NCAM2: variants seen among roughly 807,000 people sequenced by gnomAD.
The protein encoded by NCAM2 is N-CAM-2.
A neutral mutation model predicts 98.1 loss-of-function variants in NCAM2; 30 were observed. The observed-to-expected ratio is 0.31, with a 90% CI of 0.23 to 0.41. NCAM2 has a LOEUF of 0.41. Ranked by LOEUF, NCAM2 falls within the 10% of genes least tolerant of loss-of-function variation. The pLI, the probability that NCAM2 is intolerant of heterozygous loss-of-function variation, is 1.00. For missense variants in NCAM2, 867 were observed against 1,005.8 expected (o/e 0.86, Z 1.87); for synonymous variants, 368 against 342.4 (o/e 1.07, Z -0.83).
At chr21:21,319,145 A>G (rs1601961053) in intron 5 of NCAM2, among the ~76,000 whole-genome samples, 2 of 152,176 alleles carry the variant, frequency 1.3e-5, no homozygotes, top group South Asian at 4.2e-4. Context: ...AAAAAAATGC[A>G]AGCACAGTCA....
intron 1 of NCAM2, among the ~76,000 whole-genome samples, chr21:21,058,889 G>C (rs972832824): frequency 6.6e-6 from 1 of 151,902 alleles, no homozygotes; most frequent in African/African-American, 2.4e-5. Context: ...ATTTCTATTA[G>C]ACTGTTTTTG....
At chr21:21,371,425 T>C (rs1568989816) in intron 8 of NCAM2, among the ~76,000 whole-genome samples, 1 of 151,772 alleles carries the variant, frequency 6.6e-6, no homozygotes, top group Non-Finnish European at 1.5e-5. Context: ...ATAGAAGGCA[T>C]CCACAATGGG....
chr21:21,241,342 G>GA (rs34767844), intron 1 of NCAM2, among the ~76,000 whole-genome samples: 152,222 of 152,222 alleles, frequency 1, 76,111 homozygotes, highest in Non-Finnish European at 1. Flanking sequence ...TTCTAAATGA[G>GA]AAAACATACA....
At chr21:21,128,828 T>C (rs548032754) in intron 1 of NCAM2, among the ~76,000 whole-genome samples, 1 of 152,218 alleles carries the variant, frequency 6.6e-6, no homozygotes, top group East Asian at 1.9e-4. Context: ...GGCAAAAATA[T>C]AATTATTACT....
intron 1 of NCAM2, among the ~76,000 whole-genome samples, chr21:21,246,835 G>A (rs959529928): frequency 3.3e-5 from 5 of 152,106 alleles, no homozygotes; most frequent in Non-Finnish European, 7.4e-5. Flanking sequence ...GAAGTACCGT[G>A]GCTGTAAATG....
intron 1 of NCAM2, among the ~76,000 whole-genome samples, chr21:21,263,825 C>A (rs528524073): frequency 1.2e-4 from 18 of 152,120 alleles, no homozygotes; most frequent in African/African-American, 3.4e-4. Context: ...TTAAACTGGA[C>A]CCCTAATTTG....
chr21:21,471,500 T>C (rs138878803), intron 14 of NCAM2, among the ~76,000 whole-genome samples: 2 of 152,136 alleles, frequency 1.3e-5, no homozygotes, highest in African/African-American at 2.4e-5. Flanking sequence ...TTTAGACATA[T>C]TCAATATATT....
chr21:21,122,863 C>G (rs2066704288), intron 1 of NCAM2, among the ~76,000 whole-genome samples: 2 of 152,244 alleles, frequency 1.3e-5, no homozygotes, highest in Non-Finnish European at 2.9e-5. Flanking sequence ...CAACTCTTGA[C>G]AGGAGGTTGG....
At chr21:21,409,549 A>C (rs2145909351) in intron 9 of NCAM2, among the ~76,000 whole-genome samples, 1 of 152,332 alleles carries the variant, frequency 6.6e-6, no homozygotes, top group Admixed American at 6.5e-5. Context: ...GACTTAAACG[A>C]AATAAAAAGT....
At chr21:21,002,113 G>A (rs911547721) in intron 1 of NCAM2, among the ~76,000 whole-genome samples, 6 of 152,258 alleles carry the variant, frequency 3.9e-5, no homozygotes, top group Non-Finnish European at 5.9e-5. Context: ...TGCACTTGGG[G>A]AAGATGTAAT....
intron 5 of NCAM2, among the ~76,000 whole-genome samples, chr21:21,309,409 C>A (rs762996909): frequency 3.0e-4 from 45 of 152,216 alleles, no homozygotes; most frequent in Non-Finnish European, 4.6e-4. Context: ...TCTGGACTTT[C>A]TTTGCCCCAC....
chr21:21,494,846 T>G (rs1355902841), intron 15 of NCAM2, among the ~76,000 whole-genome samples: 1 of 151,854 alleles, frequency 6.6e-6, no homozygotes, highest in African/African-American at 2.4e-5. Context: ...TTTTTAAAAT[T>G]TTTAGTACTT....
At chr21:21,040,439 G>A (rs1448157479) in intron 1 of NCAM2, among the ~76,000 whole-genome samples, 2 of 151,964 alleles carry the variant, frequency 1.3e-5, no homozygotes, top group Non-Finnish European at 2.9e-5. Context: ...CAGTCTTACT[G>A]TACTGGTTTG....
chr21:21,012,967 C>T (rs2146145930), intron 1 of NCAM2, among the ~76,000 whole-genome samples: 1 of 152,294 alleles, frequency 6.6e-6, no homozygotes, highest in East Asian at 1.9e-4. Context: ...GTCGTGTATA[C>T]TCTGACTGCT....
At position 21,397,699 on chromosome 21, in the gene NCAM2, G is replaced by A. The variant is rs184640067; in HGVS notation, c.1196-12575G>A. ...GACTGTGCGGCTGCACATGCACCAGGGAGTGCAGGGCTCCCACCCCACCTA... is the reference window on the plus strand; with the variant it reads ...GACTGTGCGGCTGCACATGCACCAGAGAGTGCAGGGCTCCCACCCCACCTA... On this transcript the variant is annotated intron_variant, in intron 9 of 17. Transcript: ENST00000400546. Among the ~76,000 whole-genome samples the A allele has an allele frequency of 1.7e-4, 26 of 152,330 alleles. No homozygotes were observed. The East Asian group carries it at 5.0e-3, about 30-fold the overall frequency.
chr21:21,274,572 G>A (rs574953200), intron 1 of NCAM2, among the ~76,000 whole-genome samples: 1 of 152,136 alleles, frequency 6.6e-6, no homozygotes, highest in African/African-American at 2.4e-5. Context: ...TTTTGCAGCA[G>A]ATAACATTTT....
chr21:21,209,792 A>G (rs1309525992), intron 1 of NCAM2, among the ~76,000 whole-genome samples: 1 of 152,236 alleles, frequency 6.6e-6, no homozygotes, highest in Non-Finnish European at 1.5e-5. Flanking sequence ...AACTGAGAAG[A>G]AGAAACAGTG....
intron 5 of NCAM2, among the ~76,000 whole-genome samples, chr21:21,304,833 C>G (rs1014442920): frequency 1.3e-5 from 2 of 152,066 alleles, no homozygotes; most frequent in African/African-American, 4.8e-5. Flanking sequence ...TTTATACAGT[C>G]CTAACTCATC....
chr21:21,257,322 A>G (rs2071710705), intron 1 of NCAM2, among the ~76,000 whole-genome samples: 1 of 152,176 alleles, frequency 6.6e-6, no homozygotes, highest in East Asian at 1.9e-4. Flanking sequence ...CAGTTAAGTA[A>G]AGAACGAAAT....
Sources: allele counts gnomAD v4.1 joint callset (sites outside exome capture counted in the v4.1 genomes callset), GRCh38; gene constraint gnomAD v4.1.1; transcripts MANE v1.5; gene names NCBI Gene and HGNC (gene_info 2026-07-23, HGNC 2026-07-21).